The following EFEMP1 variants were observed in gnomAD, a reference collection of about 807,000 sequenced individuals.
EFEMP1 encodes the protein EGF-containing fibulin-like extracellular matrix protein 1.
Under a neutral mutation model 65.7 loss-of-function variants are expected in EFEMP1, and 18 were observed. The observed-to-expected ratio is 0.27, with a 90% CI of 0.19 to 0.41. The LOEUF (loss-of-function observed/expected upper bound fraction) is 0.41. Among genes scored for constraint, EFEMP1 ranks in the 10% least tolerant of loss-of-function variants. EFEMP1 has a pLI of 1.00. For synonymous variants in EFEMP1, 237 were observed against 219.7 expected (o/e 1.08, Z -0.70); for missense variants, 469 against 624.8 (o/e 0.75, Z 2.66).
chr2:55,916,503 C>T (rs1015082875), intron 5 of EFEMP1, among the ~76,000 whole-genome samples: 7 of 152,200 alleles, frequency 4.6e-5, no homozygotes, highest in South Asian at 2.1e-4. Context: ...TCCCAGGGCA[C>T]AAGAAAATGC....
chr2:55,889,061 A>G (rs370584518), intron 5 of EFEMP1, among the ~76,000 whole-genome samples: 19 of 134,014 alleles, frequency 1.4e-4, no homozygotes, highest in Non-Finnish European at 3.3e-4. Context: ...CTGTGATTTG[A>G]TTCTTGGCCT....
intron 5 of EFEMP1, 29 bp from the exon 6 acceptor site, chr2:55,881,763 T>C (rs780397002): frequency 6.8e-6 from 11 of 1,613,736 alleles, no homozygotes; most frequent in South Asian, 1.1e-5. Flanking sequence ...ACAGAAAGAA[T>C]TGTCAGTTGT....
intron 5 of EFEMP1, among the ~76,000 whole-genome samples, chr2:55,911,176 T>G (rs1364512227): frequency 6.6e-6 from 1 of 152,228 alleles, no homozygotes; most frequent in African/African-American, 2.4e-5. Context: ...CATCATGTCC[T>G]TGGTTCAGGG....
Position 55,870,667 on chromosome 2 carries a change from A to T in EFEMP1, c.1320+53T>A. The T allele has an allele frequency of 1.2e-6, 2 of 1,604,414 alleles. No homozygotes were observed. The highest frequency in any genetic ancestry group is 1.7e-6 in the Non-Finnish European group (2 of 1,172,948). The stretch of plus-strand genomic sequence containing the variant: ...ACACAACAACAACAACAACAACAAC[A>T]ACAACAAACTCCCATCTTTCTCAAT... On this transcript the variant is annotated intron_variant, in intron 11 of 11. Coordinates refer to ENST00000355426, the MANE Select transcript of EFEMP1 (RefSeq NM_001039348.3). This position sits in a 1 kb window ranked among gnomAD's most constrained non-coding sequence, Gnocchi z 5.8.
Position 55,886,040 on chromosome 2 carries a change from T to C in EFEMP1, c.518-4306A>G, listed in dbSNP as rs1362818764. On this transcript the variant is annotated intron_variant, in intron 5 of 11. Transcript: ENST00000355426. The surrounding 1 kb of genome is among the most constrained non-coding windows in gnomAD (Gnocchi z 4.0). Reference sequence around the variant, plus strand: ...GCACCTTGAATGGTGTTGAGTACCATTTAGACTTTTATAATTTGTGCTGCT... The same window carrying C: ...GCACCTTGAATGGTGTTGAGTACCACTTAGACTTTTATAATTTGTGCTGCT... Among the ~76,000 whole-genome samples, 2 of 152,194 alleles carry C rather than the reference T, an allele frequency of 1.3e-5. No homozygotes were observed. The highest frequency in any genetic ancestry group is 1.3e-4 in the Admixed American group (2 of 15,276).
chr2:55,897,288 A>G (rs1669864467), intron 5 of EFEMP1, among the ~76,000 whole-genome samples: 1 of 152,210 alleles, frequency 6.6e-6, no homozygotes, highest in African/African-American at 2.4e-5. Flanking sequence ...TTAGGGATCC[A>G]GCTACAGGAT....
chr2:55,901,217 A>G (rs1670019102), intron 5 of EFEMP1, among the ~76,000 whole-genome samples: 1 of 152,250 alleles, frequency 6.6e-6, no homozygotes, highest in Admixed American at 6.5e-5. Context: ...GTCTAGGACA[A>G]AAGGTAACAT....
intron 5 of EFEMP1, among the ~76,000 whole-genome samples, chr2:55,884,250 A>T (rs1052617047): frequency 2.6e-5 from 4 of 152,224 alleles, no homozygotes; most frequent in Non-Finnish European, 5.9e-5. Flanking sequence ...AAATAACACA[A>T]TATTATTTTG....
rs58841515 is a variant in EFEMP1 at position 55,873,066 on chromosome 2, CCACACACACACACACA to C, written c.1000+1864_1000+1879del. 0.011 allele frequency among the ~76,000 whole-genome samples: 1,640 copies of C among 145,390 alleles called. 32 individuals are homozygous for C. Among genetic ancestry groups the C allele is most frequent in the African/African-American group, 0.038 (1,509 of 39,388 alleles). On this transcript the variant is annotated intron_variant, in intron 9 of 11. Coordinates refer to ENST00000355426, the MANE Select transcript of EFEMP1 (RefSeq NM_001039348.3). This position sits in a 1 kb window ranked among gnomAD's most constrained non-coding sequence, Gnocchi z 4.6. ...TTCTTTTGTCTCTCTGTCTCTCTCT[CCACACACACACACACA>C]CACACACACACACACACACAGTTTT...
At chr2:55,899,932 CT>C (rs1177733222) in intron 5 of EFEMP1, among the ~76,000 whole-genome samples, 1 of 152,042 alleles carries the variant, frequency 6.6e-6, no homozygotes, top group African/African-American at 2.4e-5. Context: ...TTCTTCTGAA[CT>C]TTTGAAAAAA....
chr2:55,878,098 AT>A (rs2104385881), intron 6 of EFEMP1, among the ~76,000 whole-genome samples: 1 of 152,340 alleles, frequency 6.6e-6, no homozygotes, highest in South Asian at 2.1e-4. Flanking sequence ...TGGTGGGTGG[AT>A]TGAGATTTAA....
chr2:55,908,709 A>G (rs150876505), intron 5 of EFEMP1, among the ~76,000 whole-genome samples: 44 of 152,290 alleles, frequency 2.9e-4, no homozygotes, highest in African/African-American at 7.9e-4. Flanking sequence ...ATATTTTTCA[A>G]TTAAAAATAA....
Position 55,921,547 on chromosome 2 carries a change from TTA to T in EFEMP1, c.81+811_81+812del, listed in dbSNP as rs1381529321. ...ACAAATGTCATTTGCCTAACACTGATTAAAGACAAGAAAACACAGAACAGAGG... is the reference window on the plus strand; with the variant it reads ...ACAAATGTCATTTGCCTAACACTGATAAGACAAGAAAACACAGAACAGAGG... On this transcript the variant is annotated intron_variant, in intron 3 of 11. Coordinates refer to ENST00000355426, the MANE Select transcript of EFEMP1 (RefSeq NM_001039348.3). This position sits in a 1 kb window ranked among gnomAD's most constrained non-coding sequence, Gnocchi z 4.1. Among the ~76,000 whole-genome samples, 1 of 152,190 alleles carries T rather than the reference TTA, an allele frequency of 6.6e-6. No individual in the cohort carries two copies. The highest frequency in any genetic ancestry group is 1.5e-5 in the Non-Finnish European group (1 of 68,032).
Position 55,922,333 on chromosome 2 carries a change from C to T in EFEMP1, c.81+27G>A. On this transcript the variant is annotated intron_variant, in intron 3 of 11. Transcript: ENST00000355426. The surrounding 1 kb of genome is among the most constrained non-coding windows in gnomAD (Gnocchi z 5.5). ...TGTCACAGAATCCCGCTGAACCGTA[C>T]TTATTTCAAATTCCATCACCCCTTA... is the stretch of plus-strand genomic sequence containing the variant. 18 of 1,608,516 alleles carry T rather than the reference C, an allele frequency of 1.1e-5. No individual in the cohort carries two copies. The highest frequency in any genetic ancestry group is 1.7e-5 in the Admixed American group (1 of 59,974).
At position 55,881,787 on chromosome 2, in the gene EFEMP1, T is replaced by C; in HGVS notation, c.518-53A>G. 3 of 1,612,492 alleles carry C rather than the reference T, an allele frequency of 1.9e-6. No homozygotes were observed. In the South Asian group the frequency reaches 3.3e-5, roughly 18 times the overall value. ...ATTGTCAGTTGTGAAGATGTTGATA[T>C]TTCCTCCATTTTGCCACTTCTTAAG... On this transcript the variant is annotated intron_variant, in intron 5 of 11. Coordinates refer to ENST00000355426, the MANE Select transcript of EFEMP1 (RefSeq NM_001039348.3).
At chr2:55,876,034 C>T (rs192140336) in intron 8 of EFEMP1, among the ~76,000 whole-genome samples, 7 of 151,940 alleles carry the variant, frequency 4.6e-5, no homozygotes, top group East Asian at 3.9e-4. Context: ...AATTATATAA[C>T]GAAATGTGCA....
At chr2:55,900,046 G>A (rs1009440002) in intron 5 of EFEMP1, among the ~76,000 whole-genome samples, 5 of 152,092 alleles carry the variant, frequency 3.3e-5, no homozygotes, top group African/African-American at 1.2e-4. Context: ...TGATTGATTA[G>A]ACACTCAGTT....
rs552365134 is a variant in EFEMP1 at position 55,879,492 on chromosome 2, TG to T, written c.641-1628del. ...ACACAGTAAGCCCTCAATAACTATT[TG>T]GTGAATATGTGACGCATGTCTTCTT... On this transcript the variant is annotated intron_variant, in intron 6 of 11. Transcript: ENST00000355426. Among the ~76,000 whole-genome samples, 3 of 152,316 alleles carry T rather than the reference TG, an allele frequency of 2.0e-5. No homozygotes were observed. In the East Asian group the frequency reaches 5.8e-4, roughly 29 times the overall value.
intron 5 of EFEMP1, among the ~76,000 whole-genome samples, chr2:55,899,080 G>A (rs1313950085): frequency 1.3e-5 from 2 of 152,098 alleles, no homozygotes; most frequent in Non-Finnish European, 2.9e-5. Flanking sequence ...TTCCCCTCTG[G>A]TTCATCCTTC....
Sources: allele counts gnomAD v4.1 joint callset (sites outside exome capture counted in the v4.1 genomes callset), GRCh38; gene constraint gnomAD v4.1.1; non-coding constraint Gnocchi (gnomAD v3.1); transcripts MANE v1.5; gene names NCBI Gene and HGNC (gene_info 2026-07-23, HGNC 2026-07-21).